The following LUZP2 variants were observed in gnomAD, a reference collection of about 807,000 sequenced individuals.
LUZP2 encodes the protein leucine zipper protein 2.
Under a neutral mutation model 51.6 loss-of-function variants are expected in LUZP2, and 52 were observed. That is an observed-to-expected ratio of 1.01 (90% CI 0.81 to 1.27). The LOEUF (loss-of-function observed/expected upper bound fraction) is 1.27, where lower values mean the gene tolerates loss of function less well. Ranked by LOEUF, LUZP2 falls within the 50% of genes most tolerant of loss-of-function variation. The pLI is 0.00. For synonymous variants in LUZP2, 154 were observed against 137.3 expected (o/e 1.12, Z -0.85); for missense variants, 436 against 395.4 (o/e 1.10, Z -0.87).
chr11:24,551,299 C>T (rs947734494), intron 1 of LUZP2, among the ~76,000 whole-genome samples: 1 of 151,852 alleles, frequency 6.6e-6, no homozygotes, highest in Non-Finnish European at 1.5e-5. Flanking sequence ...CATGGATGAA[C>T]CTTGAACACA....
chr11:24,543,074 T>C (rs1174813297), intron 1 of LUZP2, among the ~76,000 whole-genome samples: 1 of 152,056 alleles, frequency 6.6e-6, no homozygotes, highest in East Asian at 1.9e-4. Flanking sequence ...GAAAATACTA[T>C]ATTAAATATT....
chr11:24,750,294 T>C (rs904525762), intron 4 of LUZP2, among the ~76,000 whole-genome samples: 4 of 152,122 alleles, frequency 2.6e-5, no homozygotes, highest in Non-Finnish European at 5.9e-5. Flanking sequence ...AGACTTAGTG[T>C]CTTCCTAGGA....
At chr11:24,742,362 T>C (rs1210163621) in intron 4 of LUZP2, among the ~76,000 whole-genome samples, 1 of 151,944 alleles carries the variant, frequency 6.6e-6, no homozygotes, top group African/African-American at 2.4e-5. Context: ...TGCCAACATC[T>C]ACAGTTTATC....
chr11:24,981,624 G>A (rs765443648), intron 8 of LUZP2, among the ~76,000 whole-genome samples: 35 of 151,792 alleles, frequency 2.3e-4, no homozygotes, highest in Non-Finnish European at 4.3e-4. Context: ...CGCCCCTGAC[G>A]CTGTTACCTA....
chr11:24,508,095 T>G (rs1376805331), intron 1 of LUZP2, among the ~76,000 whole-genome samples: 1 of 152,058 alleles, frequency 6.6e-6, no homozygotes, highest in East Asian at 1.9e-4. Flanking sequence ...GCCCTAATTT[T>G]ATAGATGTAG....
intron 9 of LUZP2, among the ~76,000 whole-genome samples, chr11:25,027,206 G>A (rs1857517612): frequency 6.6e-6 from 1 of 151,964 alleles, no homozygotes; most frequent in Non-Finnish European, 1.5e-5. Flanking sequence ...AAGGATTTAT[G>A]TTATTTTGAA....
chr11:24,516,198 C>A (rs1850458088), intron 1 of LUZP2, among the ~76,000 whole-genome samples: 1 of 152,108 alleles, frequency 6.6e-6, no homozygotes. Context: ...CTGACACTTA[C>A]ACTTGATTAA....
chr11:24,890,894 CTTTTTT>C (rs34323542), intron 5 of LUZP2: 70 of 739,868 alleles, frequency 9.5e-5, no homozygotes, highest in South Asian at 1.3e-4. Context: ...AGTAAAAGTT[CTTTTTT>C]TTTTTTTTTT....
At chr11:24,498,147 T>C (rs1342205776) in intron 1 of LUZP2, among the ~76,000 whole-genome samples, 3 of 152,232 alleles carry the variant, frequency 2.0e-5, no homozygotes, top group Non-Finnish European at 4.4e-5. Context: ...GTGGACTGTT[T>C]AGTTGCCCAG....
At chr11:24,860,563 A>G (rs190298000) in intron 5 of LUZP2, among the ~76,000 whole-genome samples, 8 of 152,260 alleles carry the variant, frequency 5.3e-5, no homozygotes, top group African/African-American at 1.9e-4. Flanking sequence ...TGGTGCCTCA[A>G]GATCAGAGGT....
chr11:24,889,572 T>C (rs1292231081), intron 5 of LUZP2, among the ~76,000 whole-genome samples: 1 of 152,196 alleles, frequency 6.6e-6, no homozygotes, highest in Non-Finnish European at 1.5e-5. Flanking sequence ...CAGAATTCCC[T>C]TTTCAGTGTC....
intron 7 of LUZP2, among the ~76,000 whole-genome samples, chr11:24,962,660 A>C (rs1005032455): frequency 6.6e-6 from 1 of 152,136 alleles, no homozygotes; most frequent in Non-Finnish European, 1.5e-5. Context: ...CTAGTTATAC[A>C]TTCGTGTAAA....
At chr11:24,948,125 T>G (rs1854949888) in intron 7 of LUZP2, among the ~76,000 whole-genome samples, 1 of 151,858 alleles carries the variant, frequency 6.6e-6, no homozygotes, top group South Asian at 2.1e-4. Flanking sequence ...TTTCTCTGTT[T>G]CCTCAATTGT....
chr11:25,030,948 TATATATATAATACAATATATA>T (rs1565254751), intron 9 of LUZP2, among the ~76,000 whole-genome samples: 29,605 of 42,874 alleles, frequency 0.69, 10,027 homozygotes, highest in Middle Eastern at 0.75. Context: ...TTATATATAT[TATATATATAATACAATATATA>T]TTATATATAT....
intron 5 of LUZP2, among the ~76,000 whole-genome samples, chr11:24,822,538 T>C (rs1345585255): frequency 6.6e-6 from 1 of 152,194 alleles, no homozygotes; most frequent in East Asian, 1.9e-4. Flanking sequence ...AGAATGTCAT[T>C]ACACATTTCC....
intron 6 of LUZP2, among the ~76,000 whole-genome samples, chr11:24,910,162 A>C (rs1853580033): frequency 6.6e-6 from 1 of 152,160 alleles, no homozygotes; most frequent in South Asian, 2.1e-4. Flanking sequence ...ATTTAGGGTA[A>C]CTGGTGGAAG....
chr11:24,610,779 C>A (rs1325633420), intron 1 of LUZP2, among the ~76,000 whole-genome samples: 1 of 152,084 alleles, frequency 6.6e-6, no homozygotes, highest in Non-Finnish European at 1.5e-5. Flanking sequence ...AACCCTGTTT[C>A]TACTGAAAAC....
chr11:24,926,411 GTGTA>G (rs1854260136), intron 7 of LUZP2, among the ~76,000 whole-genome samples: 1 of 133,000 alleles, frequency 7.5e-6, no homozygotes, highest in Non-Finnish European at 1.6e-5. Flanking sequence ...ATATATACGT[GTGTA>G]TATATATGTG....
chr11:24,524,656 C>T (rs1299708350), intron 1 of LUZP2, among the ~76,000 whole-genome samples: 1 of 151,612 alleles, frequency 6.6e-6, no homozygotes, highest in Admixed American at 6.6e-5. Context: ...TAGTACAGTT[C>T]TAACAAGGTG....
Sources: gnomAD v4.1 joint callset for allele counts (sites outside exome capture counted in the v4.1 genomes callset) on GRCh38, gnomAD v4.1.1 for gene constraint, MANE v1.5 for transcripts, NCBI Gene and HGNC (gene_info 2026-07-23, HGNC 2026-07-21) for gene names.